LINGO2: variants seen among roughly 807,000 people sequenced by gnomAD.
The protein encoded by LINGO2 is leucine rich repeat and Ig domain containing 2, also known as leucine-rich repeat and immunoglobulin-like domain-containing nogo receptor-interacting protein 2.
LINGO2 carries 14 observed loss-of-function variants against 30.6 expected under a neutral mutation model. The observed-to-expected ratio is 0.46, with a 90% CI of 0.30 to 0.72. LINGO2 has a LOEUF of 0.72. Ranked by LOEUF, LINGO2 falls within the 30% of genes least tolerant of loss-of-function variation. LINGO2 has a pLI of 0.07. For synonymous variants in LINGO2, 317 were observed against 288.5 expected (o/e 1.10, Z -1.00); for missense variants, 729 against 751.7 (o/e 0.97, Z 0.35).
rs889510402 is a variant in LINGO2, at chr9:28,211,941, T to A, written c.-87+83267A>T. On this transcript the variant is annotated intron_variant, in intron 4 of 5. Coordinates refer to ENST00000379992, the Ensembl canonical transcript of LINGO2. ...TTCTCATGCTTAATTTTTTTTTTTATCGATTACTTTCAGTGGCAAAAACTG... is the reference window on the plus strand; with the variant it reads ...TTCTCATGCTTAATTTTTTTTTTTAACGATTACTTTCAGTGGCAAAAACTG... 2.0e-5 allele frequency among the ~76,000 whole-genome samples: 3 copies of A among 151,266 alleles called. No homozygotes were observed. In the South Asian group the frequency reaches 6.2e-4, roughly 31 times the overall value.
chr9:28,075,443 T>C (rs570466567), intron 4 of LINGO2, among the ~76,000 whole-genome samples: 47 of 152,100 alleles, frequency 3.1e-4, no homozygotes, highest in African/African-American at 1.1e-3. Flanking sequence ...GGACTTTTCC[T>C]AGATCATATA....
chr9:28,793,816 G>A, the LINGO2 span, among the ~76,000 whole-genome samples: 1 of 152,124 alleles, frequency 6.6e-6, no homozygotes, highest in Admixed American at 6.5e-5. Flanking sequence ...TCCCAGATCT[G>A]GTAATCCAAT....
At position 28,157,132 on chromosome 9, in the gene LINGO2, G is replaced by A. The variant is rs545092123; in HGVS notation, c.-87+138076C>T. Among the ~76,000 whole-genome samples the A allele has an allele frequency of 1.3e-3, 195 of 152,294 alleles. 2 individuals carry two copies. The highest frequency in any genetic ancestry group is 4.3e-3 in the African/African-American group (179 of 41,570). ...CAACCCCACATTTCCCTTCTGCACT[G>A]CCCTAGCAGAGGTTCTCCATGAGGG... On this transcript the variant is annotated intron_variant, in intron 4 of 5. Coordinates refer to ENST00000379992, the Ensembl canonical transcript of LINGO2.
intron 2 of LINGO2, among the ~76,000 whole-genome samples, chr9:28,433,949 C>CTATATATA (rs375073572): frequency 1.1e-5 from 1 of 88,470 alleles, no homozygotes; most frequent in African/African-American, 4.5e-5. Context: ...CTCTCTCTCT[C>CTATATATA]TATATATATA....
the LINGO2 span, among the ~76,000 whole-genome samples, chr9:29,118,498 G>A: frequency 6.6e-6 from 1 of 152,296 alleles, no homozygotes; most frequent in Admixed American, 6.5e-5. Context: ...GCCGTTCATA[G>A]TCAAAACTGC....
chr9:28,269,581 A>T (rs879615435), intron 4 of LINGO2, among the ~76,000 whole-genome samples: 2 of 152,116 alleles, frequency 1.3e-5, no homozygotes, highest in Non-Finnish European at 2.9e-5. Flanking sequence ...CTCAAGCTTT[A>T]TACTATGACC....
At chr9:28,080,397 C>G (rs1320994915) in intron 4 of LINGO2, among the ~76,000 whole-genome samples, 2 of 152,154 alleles carry the variant, frequency 1.3e-5, no homozygotes, top group Non-Finnish European at 2.9e-5. Flanking sequence ...TTTAAACATT[C>G]CAAACTCATT....
intron 4 of LINGO2, among the ~76,000 whole-genome samples, chr9:28,087,139 A>G (rs1208064438): frequency 6.6e-6 from 1 of 152,060 alleles, no homozygotes; most frequent in Non-Finnish European, 1.5e-5. Flanking sequence ...AGCTGAGGCC[A>G]TCCCAGACCA....
chr9:29,062,332 C>A, the LINGO2 span, among the ~76,000 whole-genome samples: 1 of 152,024 alleles, frequency 6.6e-6, no homozygotes, highest in African/African-American at 2.4e-5. Context: ...TAACTCCATT[C>A]TGGGTATATA....
intron 1 of LINGO2, among the ~76,000 whole-genome samples, chr9:28,587,179 G>C (rs902214805): frequency 6.6e-6 from 1 of 151,946 alleles, no homozygotes; most frequent in Admixed American, 6.6e-5. Flanking sequence ...TATGTTGGTG[G>C]GGATCAGCTG....
At chr9:28,929,781 A>G in the LINGO2 span, among the ~76,000 whole-genome samples, 1 of 152,202 alleles carries the variant, frequency 6.6e-6, no homozygotes, top group African/African-American at 2.4e-5. Flanking sequence ...ATATAAATAC[A>G]AAATACAAAT....
At chr9:29,055,949 C>CATATATGTAT in the LINGO2 span, among the ~76,000 whole-genome samples, 8 of 123,120 alleles carry the variant, frequency 6.5e-5, no homozygotes, top group African/African-American at 2.2e-4. Flanking sequence ...TGTATATATA[C>CATATATGTAT]ATATATATGT....
the LINGO2 span, among the ~76,000 whole-genome samples, chr9:28,689,392 C>T: frequency 2.6e-5 from 4 of 151,638 alleles, no homozygotes; most frequent in Non-Finnish European, 4.4e-5. Context: ...AACAAGTGGG[C>T]AAAGGACATG....
At chr9:29,197,728 C>G in the LINGO2 span, among the ~76,000 whole-genome samples, 1 of 151,942 alleles carries the variant, frequency 6.6e-6, no homozygotes. Flanking sequence ...TGCACAAACC[C>G]AAGAGTGTTT....
chr9:28,980,234 T>C, the LINGO2 span, among the ~76,000 whole-genome samples: 1 of 152,088 alleles, frequency 6.6e-6, no homozygotes, highest in Admixed American at 6.6e-5. Context: ...AATGACCACA[T>C]AGGGCCCAGC....
In LINGO2 at chr9:28,494,079, G is replaced by A. The variant is rs937221652; in HGVS notation, c.-364-18054C>T. 1.3e-5 allele frequency among the ~76,000 whole-genome samples: 2 copies of A among 151,978 alleles called. 1 individual carries two copies. Among genetic ancestry groups the A allele is most frequent in the South Asian group, 4.1e-4 (2 of 4,824 alleles). ...TAGAGAACCTTGATTAATACACCTAGAATTAGGGATTCATAGATTATTAGA... is the reference window on the plus strand; with the variant it reads ...TAGAGAACCTTGATTAATACACCTAAAATTAGGGATTCATAGATTATTAGA... On this transcript the variant is annotated intron_variant, in intron 1 of 5. Transcript: ENST00000379992.
intron 2 of LINGO2, among the ~76,000 whole-genome samples, chr9:28,440,181 A>T (rs1311118261): frequency 6.6e-6 from 1 of 152,208 alleles, no homozygotes; most frequent in African/African-American, 2.4e-5. Flanking sequence ...AAAGAGTAAA[A>T]TTATACTCAG....
chr9:28,888,617 T>C, the LINGO2 span, among the ~76,000 whole-genome samples: 7 of 152,194 alleles, frequency 4.6e-5, no homozygotes, highest in Non-Finnish European at 8.8e-5. Context: ...TCTTGTAGAA[T>C]GTCTGCTGAG....
intron 4 of LINGO2, among the ~76,000 whole-genome samples, chr9:28,040,191 GATTC>G (rs1295206395): frequency 6.6e-6 from 1 of 152,086 alleles, no homozygotes; most frequent in Non-Finnish European, 1.5e-5. Flanking sequence ...AAAACAGATT[GATTC>G]ATTAGAAGCT....
Sources: gnomAD v4.1 joint callset for allele counts (sites outside exome capture counted in the v4.1 genomes callset) on GRCh38, gnomAD v4.1.1 for gene constraint, MANE v1.5 for transcripts, NCBI Gene and HGNC (gene_info 2026-07-23, HGNC 2026-07-21) for gene names.